The following GRIP2 variants were observed in gnomAD, a reference collection of about 807,000 sequenced individuals.
GRIP2 encodes the protein glutamate receptor-interacting protein 2.
GRIP2 carries 58 observed loss-of-function variants against 108.3 expected under a neutral mutation model. The ratio of observed to expected loss-of-function variants is 0.54; its 90% CI spans 0.43 to 0.67. GRIP2 has a LOEUF of 0.67. GRIP2 is among the 30% of genes least tolerant of loss of function. GRIP2 has a pLI of 0.00. For missense variants in GRIP2, 1,278 were observed against 1,430.6 expected, an observed-to-expected ratio of 0.89 and a Z score of 1.72; for synonymous variants, 586 against 598.2, an observed-to-expected ratio of 0.98 and a Z score of 0.30.
intron 1 of GRIP2, among the ~76,000 whole-genome samples, chr3:14,551,531 T>G (rs1695149650): frequency 6.6e-6 from 1 of 152,086 alleles, no homozygotes. Context: ...GAGGAGACTG[T>G]CCTGTGGGGA....
chr3:14,499,238 A>T (rs1396890859), intron 21 of GRIP2, among the ~76,000 whole-genome samples: 1 of 152,248 alleles, frequency 6.6e-6, no homozygotes, highest in Non-Finnish European at 1.5e-5. Flanking sequence ...CAAAGGCCAC[A>T]GCCAAGACAA....
the GRIP2 span, among the ~76,000 whole-genome samples, chr3:14,565,990 G>C: frequency 6.6e-6 from 1 of 152,232 alleles, no homozygotes; most frequent in Admixed American, 6.5e-5. Flanking sequence ...GCTGCTTCCT[G>C]TGGGTCACAG....
At chr3:14,547,033 C>T (rs890921940), upstream of GRIP2, among the ~76,000 whole-genome samples, 1 of 152,272 alleles carries the variant, frequency 6.6e-6, no homozygotes, top group Admixed American at 6.5e-5. Context: ...TAAAGGTGAC[C>T]TGGGACTCCA....
chr3:14,584,500 T>C, the GRIP2 span, among the ~76,000 whole-genome samples: 5 of 152,078 alleles, frequency 3.3e-5, no homozygotes, highest in African/African-American at 7.2e-5. Context: ...CTCTGTAACA[T>C]GGAAAAACAA....
At chr3:14,574,107 G>T in the GRIP2 span, 3 of 1,101,202 alleles carry the variant, frequency 2.7e-6, no homozygotes, top group Non-Finnish European at 4.2e-6. Flanking sequence ...CGAGTCCATC[G>T]TTTCATGCTG....
At chr3:14,532,809 G>A (rs1575023438) in intron 1 of GRIP2, among the ~76,000 whole-genome samples, 1 of 151,844 alleles carries the variant, frequency 6.6e-6, no homozygotes, top group Non-Finnish European at 1.5e-5. Context: ...TGAGGGCGGG[G>A]CTCAGCCTGG....
At chr3:14,556,912 C>T (rs1290440513), upstream of GRIP2, among the ~76,000 whole-genome samples, 1 of 152,196 alleles carries the variant, frequency 6.6e-6, no homozygotes, top group African/African-American at 2.4e-5. Context: ...AGGTTCCTGC[C>T]CTCTCTCTAC....
intron 1 of GRIP2, among the ~76,000 whole-genome samples, chr3:14,526,989 C>T (rs771787477): frequency 3.3e-5 from 5 of 152,078 alleles, no homozygotes; most frequent in Non-Finnish European, 5.9e-5. Flanking sequence ...GGGTTCAAGA[C>T]GAGCCTTGGC....
chr3:14,586,976 G>A, the GRIP2 span, among the ~76,000 whole-genome samples: 1 of 152,188 alleles, frequency 6.6e-6, no homozygotes, highest in Non-Finnish European at 1.5e-5. Context: ...ATAGATAAAA[G>A]ACTGAAAGGA....
intron 17 of GRIP2, among the ~76,000 whole-genome samples, chr3:14,509,030 G>A (rs1352657813): frequency 6.6e-6 from 1 of 152,030 alleles, no homozygotes; most frequent in East Asian, 1.9e-4. Flanking sequence ...GAAGACATTG[G>A]GGTCAGAAGG....
chr3:14,529,171 T>G (rs993973164), intron 1 of GRIP2, among the ~76,000 whole-genome samples: 1 of 148,630 alleles, frequency 6.7e-6, no homozygotes, highest in Non-Finnish European at 1.5e-5. Flanking sequence ...CCCAGCTACC[T>G]GGGAGGCTGA....
At chr3:14,571,011 G>A in the GRIP2 span, among the ~76,000 whole-genome samples, 2 of 152,170 alleles carry the variant, frequency 1.3e-5, no homozygotes, top group African/African-American at 2.4e-5. Context: ...GGTGTTGGCA[G>A]CATCCCTGTC....
rs1694476109 is a variant in GRIP2, at chr3:14,523,744, C to G, written c.404-46G>C. 3.0e-6 allele frequency: 4 copies of G among 1,323,054 alleles called. No homozygotes were observed. In the East Asian group the frequency reaches 9.5e-5, roughly 32 times the overall value. 82.0% of individuals were successfully genotyped at this position (1,323,054 alleles called of 1,614,324 possible). A position where few individuals can be genotyped will look rare whatever the true frequency, so the allele number is the denominator to read the frequency against. ...CCTTTGAGTCCCTCAGTCGCATCTCCAGGCCGGTAGATGTGCCCAAAGCTC... is the reference window on the plus strand; with the variant it reads ...CCTTTGAGTCCCTCAGTCGCATCTCGAGGCCGGTAGATGTGCCCAAAGCTC... On this transcript the variant is annotated intron_variant, in intron 4 of 23. Transcript: ENST00000621039.
At chr3:14,585,453 T>A in the GRIP2 span, among the ~76,000 whole-genome samples, 1 of 152,230 alleles carries the variant, frequency 6.6e-6, no homozygotes, top group Non-Finnish European at 1.5e-5. Context: ...ATTGGCCCAT[T>A]TCACACGTAA....
At chr3:14,564,863 T>G in the GRIP2 span, among the ~76,000 whole-genome samples, 1 of 151,876 alleles carries the variant, frequency 6.6e-6, no homozygotes, top group Non-Finnish European at 1.5e-5. Context: ...TGAAGCCGAG[T>G]GGGAATCTGA....
chr3:14,515,749 C>T (rs886862171), intron 11 of GRIP2, among the ~76,000 whole-genome samples: 4 of 152,082 alleles, frequency 2.6e-5, no homozygotes, highest in Admixed American at 2.6e-4. Flanking sequence ...GATTTTCCCA[C>T]CTCCAGAGTA....
chr3:14,599,489 T>C, the GRIP2 span, among the ~76,000 whole-genome samples: 1 of 151,978 alleles, frequency 6.6e-6, no homozygotes, highest in East Asian at 2.0e-4. Context: ...ACCTTGAACT[T>C]TTGTTATCTG....
chr3:14,500,738 G>A (rs546409043), intron 21 of GRIP2, among the ~76,000 whole-genome samples: 85 of 152,138 alleles, frequency 5.6e-4, no homozygotes, highest in African/African-American at 1.8e-3. Context: ...AAAGGCCCTC[G>A]GTGAAAGACT....
chr3:14,523,202 G>A lies in GRIP2; in HGVS notation c.491-127C>T, dbSNP rs545871348. 5 of 711,984 alleles carry A rather than the reference G, an allele frequency of 7.0e-6. No homozygotes were observed. In the South Asian group the frequency reaches 9.0e-5, roughly 13 times the overall value. The allele number at this position is 711,984 out of a possible 1,614,324, so 44.1% of individuals were successfully genotyped here. A position where few individuals can be genotyped will look rare whatever the true frequency, so the allele number is the denominator to read the frequency against. ...GAGGACCTTGTCCTTGCTATCCATG[G>A]ACCCTCTTATGAGACACCAACAATA... On this transcript the variant is annotated intron_variant, in intron 5 of 23. Coordinates refer to ENST00000621039, the MANE Select transcript of GRIP2 (RefSeq NM_001080423.4).
Sources: allele counts gnomAD v4.1 joint callset (sites outside exome capture counted in the v4.1 genomes callset), GRCh38; gene constraint gnomAD v4.1.1; transcripts MANE v1.5; gene names NCBI Gene and HGNC (gene_info 2026-07-23, HGNC 2026-07-21).